Variants in ZNF391 observed in about 807,000 individuals in gnomAD.
ZNF391 encodes the protein zinc finger protein 391.
For synonymous variants in ZNF391, 126 were observed against 142.1 expected, an observed-to-expected ratio of 0.89 and a Z score of 0.80; for missense variants, 375 against 425.5, an observed-to-expected ratio of 0.88 and a Z score of 1.04.
chr6:27,384,972 C>T (rs566827833), upstream of ZNF391, among the ~76,000 whole-genome samples: 2 of 150,274 alleles, frequency 1.3e-5, no homozygotes, highest in Non-Finnish European at 3.0e-5. Flanking sequence ...GCCAAGATCG[C>T]GCCACTGCAC....
chr6:27,391,382 A>G (rs1213965891), intron 1 of ZNF391, among the ~76,000 whole-genome samples: 1 of 151,526 alleles, frequency 6.6e-6, no homozygotes, highest in Non-Finnish European at 1.5e-5. Context: ...ATTTTTTTGT[A>G]TTTTTAGTTG....
intron 1 of ZNF391, among the ~76,000 whole-genome samples, chr6:27,381,924 C>T (rs1284587989): frequency 1.3e-5 from 2 of 149,714 alleles, no homozygotes; most frequent in African/African-American, 2.5e-5. Flanking sequence ...ATCCCAGCTA[C>T]TCGGGAGGCT....
At chr6:27,378,296 T>C (rs1761447412) in intron 1 of ZNF391, among the ~76,000 whole-genome samples, 1 of 152,172 alleles carries the variant, frequency 6.6e-6, no homozygotes, top group African/African-American at 2.4e-5. Context: ...ACAGGCTTTG[T>C]GTGAGCAATA....
intron 1 of ZNF391, chr6:27,391,074 A>C (rs6936356): frequency 0.71 from 107,367 of 151,934 alleles, 38,171 homozygotes; most frequent in Middle Eastern, 0.8. Flanking sequence ...GGGTTTAGAG[A>C]AAGTTTGGAA....
chr6:27,398,646 C>T (rs1212361557), intron 1 of ZNF391, among the ~76,000 whole-genome samples: 1 of 152,080 alleles, frequency 6.6e-6, no homozygotes, highest in Admixed American at 6.6e-5. Flanking sequence ...ATCACGAGGT[C>T]AGGAGATCGA....
Position 27,400,682 on chromosome 6 carries a change from AC to A in ZNF391, c.313del (p.Gln105LysfsTer132). On this transcript the variant is annotated frameshift_variant, in exon 3 of 3. Transcript: ENST00000244576. LOFTEE classifies it low-confidence loss of function (END_TRUNC). ...TAATTAAACACCAAAGACTTTTCTC[AC>A]AAAGAAAACCTTGTAAATGCAATGA... The part of the protein sequence containing the change: ...DLIKHQRLFS[Q>X]RKPCKCNECE... The A allele has an allele frequency of 6.2e-7, 1 of 1,612,752 alleles. No homozygotes were observed. The highest frequency in any genetic ancestry group is 1.7e-5 in the Admixed American group (1 of 59,938).
intron 1 of ZNF391, among the ~76,000 whole-genome samples, chr6:27,377,290 A>T (rs1350220796): frequency 6.6e-6 from 1 of 152,248 alleles, no homozygotes. Flanking sequence ...ACAATTAACC[A>T]GAACTCCGAC....
chr6:27,400,604 A>G lies in ZNF391; in HGVS notation c.234A>G (p.Pro78=). 1 of 1,614,244 alleles carries G rather than the reference A, an allele frequency of 6.2e-7. No homozygotes were observed. Among genetic ancestry groups the G allele is most frequent in the Non-Finnish European group, 8.5e-7 (1 of 1,180,050 alleles). The change falls in exon 3 of 3, where the codon CCA becomes CCG. Residue 78 remains proline, a synonymous_variant. Coordinates refer to ENST00000244576, the MANE Select transcript of ZNF391 (RefSeq NM_001076781.3). The part of the protein sequence containing the change: ...SPNLDAQQKI[P]KGHGSPISRK... Reference sequence around the variant, plus strand: ...ACCTTGACGCACAACAGAAAATTCCAAAGGGACATGGATCCCCAATATCTA... The same window carrying G: ...ACCTTGACGCACAACAGAAAATTCCGAAGGGACATGGATCCCCAATATCTA...
At position 27,400,341 on chromosome 6, in the gene ZNF391, T is replaced by G; in HGVS notation, c.-30T>G. 1 of 1,543,600 alleles carries G rather than the reference T, an allele frequency of 6.5e-7. No homozygotes were observed. The highest frequency in any genetic ancestry group is 8.7e-7 in the Non-Finnish European group (1 of 1,143,140). On this transcript the variant is annotated 5_prime_UTR_variant, in exon 3 of 3. Transcript: ENST00000244576. ...AAGCATCAACACCAATCAGACTGTT[T>G]CCGAAGAACTAGAGTTTTCTGGGTC...
intron 1 of ZNF391, among the ~76,000 whole-genome samples, chr6:27,383,056 G>T (rs752382214): frequency 4.6e-5 from 7 of 151,878 alleles, no homozygotes; most frequent in African/African-American, 1.7e-4. Flanking sequence ...GGAAGCAGAG[G>T]TTGCACCGAG....
At chr6:27,384,019 C>A (rs373880932), upstream of ZNF391, among the ~76,000 whole-genome samples, 2 of 152,132 alleles carry the variant, frequency 1.3e-5, no homozygotes, top group Non-Finnish European at 2.9e-5. Context: ...GAAAAATCAT[C>A]CTTCAAAAGT....
chr6:27,392,254 T>C (rs1310840125), intron 1 of ZNF391, among the ~76,000 whole-genome samples: 1 of 152,108 alleles, frequency 6.6e-6, no homozygotes, highest in African/African-American at 2.4e-5. Flanking sequence ...AGAGACTTTA[T>C]TGATTTTATT....
At chr6:27,389,387 T>G (rs1451698837) in intron 1 of ZNF391, 4 of 455,830 alleles carry the variant, frequency 8.8e-6, no homozygotes, top group Non-Finnish European at 1.8e-5. Context: ...CCCAGGTGCT[T>G]ACTGAGTGCA....
intron 1 of ZNF391, among the ~76,000 whole-genome samples, chr6:27,379,581 A>T (rs1411516331): frequency 6.7e-6 from 1 of 148,414 alleles, no homozygotes; most frequent in Admixed American, 6.8e-5. Context: ...AACTACGATT[A>T]AAAAACTCCA....
upstream of ZNF391, among the ~76,000 whole-genome samples, chr6:27,387,176 T>A (rs957188314): frequency 6.6e-6 from 1 of 152,174 alleles, no homozygotes; most frequent in Non-Finnish European, 1.5e-5. Context: ...ATGGTTATAA[T>A]ACTACAACTA....
At chr6:27,378,805 G>A (rs961799897) in intron 1 of ZNF391, among the ~76,000 whole-genome samples, 7 of 152,074 alleles carry the variant, frequency 4.6e-5, no homozygotes, top group African/African-American at 1.7e-4. Flanking sequence ...AGCTGTGCAT[G>A]GTGGCATGTG....
intron 1 of ZNF391, 187 bp downstream of exon 1, chr6:27,389,262 G>A (rs1026613657): frequency 2.4e-5 from 11 of 456,240 alleles, no homozygotes; most frequent in African/African-American, 2.0e-4. Context: ...GTCCCTCTGC[G>A]GCAGTGACAG....
chr6:27,382,629 GGTAAA>G (rs1420865810), intron 1 of ZNF391, among the ~76,000 whole-genome samples: 3 of 152,048 alleles, frequency 2.0e-5, no homozygotes, highest in Non-Finnish European at 4.4e-5. Flanking sequence ...GTCTCTGATG[GGTAAA>G]GTAGACACCA....
rs1464414432 is a variant in ZNF391, at chr6:27,402,529, C to T, written c.*1082C>T. ...GGGGCAAGGGTTAGGCCAGAATTAT[C>T]TCATTTTATCAAGTTATAAAACTTG... is the stretch of plus-strand genomic sequence containing the variant. On this transcript the variant is annotated 3_prime_UTR_variant, in exon 3 of 3. Transcript: ENST00000244576. The T allele has an allele frequency of 1.3e-5, 2 of 152,140 alleles. No homozygotes were observed. Among genetic ancestry groups the T allele is most frequent in the South Asian group, 2.1e-4 (1 of 4,830 alleles). The allele number at this position is 152,140 out of a possible 1,614,324, so 9.4% of individuals were successfully genotyped here. A position where few individuals can be genotyped will look rare whatever the true frequency, so the allele number is the denominator to read the frequency against.
Sources: allele counts gnomAD v4.1 joint callset (sites outside exome capture counted in the v4.1 genomes callset), GRCh38; gene constraint gnomAD v4.1.1; transcripts MANE v1.5; gene names NCBI Gene and HGNC (gene_info 2026-07-23, HGNC 2026-07-21).